LZTR1: variants seen among roughly 807,000 people sequenced by gnomAD.
LZTR1 encodes the protein leucine zipper like post translational regulator 1, also known as leucine-zipper-like transcriptional regulator 1.
A neutral mutation model predicts 105.7 loss-of-function variants in LZTR1; 260 were observed. The ratio of observed to expected loss-of-function variants is 2.46; its 90% CI spans 2.22 to 2.72. The LOEUF (loss-of-function observed/expected upper bound fraction) is 2.72. Ranked by LOEUF, LZTR1 falls within the 30% of genes most tolerant of loss-of-function variation. The probability of loss-of-function intolerance (pLI) is 0.00; values close to 1 mark genes in which losing one functional copy is unlikely to be tolerated. For synonymous variants in LZTR1, 490 were observed against 476.4 expected (o/e 1.03, Z -0.37); for missense variants, 1,214 against 1,166.9 (o/e 1.04, Z -0.59).
intron 2 of LZTR1, among the ~76,000 whole-genome samples, chr22:20,983,787 G>T (rs1924282534): frequency 6.6e-6 from 1 of 152,226 alleles, no homozygotes; most frequent in African/African-American, 2.4e-5. Context: ...CTGGGCAGAA[G>T]AGCCTCCTTG....
chr22:20,994,277 T>C lies in LZTR1; in HGVS notation c.1615+8T>C. ...TCAAATACCCACGGAAAGGTCCGCC[T>C]GGGTGGGGGTGGAGCAGGGTTGGTG... On this transcript the variant is annotated splice_region_variant and intron_variant, in intron 14 of 20. Transcript: ENST00000646124. 1 of 1,596,668 alleles carries C rather than the reference T, an allele frequency of 6.3e-7. No individual in the cohort carries two copies. Among genetic ancestry groups the C allele is most frequent in the Non-Finnish European group, 8.5e-7 (1 of 1,178,666 alleles).
At position 20,995,751 on chromosome 22, in the gene LZTR1, T is replaced by C. The variant is rs1391293142; in HGVS notation, c.1948T>C (p.Ser650Pro). 2 of 1,613,400 alleles carry C rather than the reference T, an allele frequency of 1.2e-6. No homozygotes were observed. Among genetic ancestry groups the C allele is most frequent in the Non-Finnish European group, 1.7e-6 (2 of 1,179,990 alleles). The change falls in exon 17 of 21, where the codon TCT (serine) becomes CCT (proline). Residue 650 changes from serine to proline, a missense_variant. Ser to Pro is a moderately conservative substitution (Grantham distance 74, BLOSUM62 -1). Coordinates refer to ENST00000646124, the MANE Select transcript of LZTR1 (RefSeq NM_006767.4). ...AGGGACCCTCCTACCCCCAGGCACATCTCTGATCCAGGACATGAAGGCATA... is the reference window on the plus strand; with the variant it reads ...AGGGACCCTCCTACCCCCAGGCACACCTCTGATCCAGGACATGAAGGCATA... The part of the protein sequence containing the change: ...PLDQPVDIGT[S>P]LIQDMKAYLE...
At position 20,994,658 on chromosome 22, in the gene LZTR1, C is replaced by A. The variant is rs773794193; in HGVS notation, c.1716C>A (p.Ala572=). 3.7e-6 allele frequency: 6 copies of A among 1,612,860 alleles called. No homozygotes were observed. The highest frequency in any genetic ancestry group is 1.3e-5 in the African/African-American group (1 of 74,928). The change falls in exon 15 of 21, where the codon GCC becomes GCA. Residue 572 remains alanine (A), a synonymous_variant. Transcript: ENST00000646124. ...AGCTGTGCCGCCAGTACATCGAGGC[C>A]TCCGTGGACCTGCAGAACGTGCTGG... ...LEQLCRQYIE[A]SVDLQNVLVV... is the part of the protein sequence containing the mutation.
intron 5 of LZTR1, 102 bp from the exon 6 acceptor site, chr22:20,988,687 C>A: frequency 1.3e-6 from 1 of 795,046 alleles, no homozygotes; most frequent in Non-Finnish European, 2.2e-6. Flanking sequence ...GTGGATGTAG[C>A]CATGCAGCCT....
In LZTR1 at chr22:20,998,269, T is replaced by G. The variant is rs551014226; in HGVS notation, c.*921T>G. ...CTCCACCTGGGGTCACCCAGTCACA[T>G]TGGGAAGGGCTGTGAAGGCCTCCAG... On this transcript the variant is annotated 3_prime_UTR_variant, in exon 21 of 21. Transcript: ENST00000646124. 1 of 152,334 alleles carries G rather than the reference T, an allele frequency of 6.6e-6. No individual in the cohort carries two copies. The highest frequency in any genetic ancestry group is 1.9e-4 in the East Asian group (1 of 5,168). 9.4% of individuals were successfully genotyped at this position (152,334 alleles called of 1,614,324 possible).
At position 20,996,925 on chromosome 22, in the gene LZTR1, A is replaced by G; in HGVS notation, c.2365A>G (p.Lys789Glu). The change falls in exon 20 of 21, where the codon AAG becomes GAG. Residue 789 changes from lysine to glutamate, a missense_variant. Physicochemically the swap from Lys to Glu is moderately conservative, Grantham distance 56. Coordinates refer to ENST00000646124, the MANE Select transcript of LZTR1 (RefSeq NM_006767.4). ...TGACAAAACGCAGGCACTGGACATGAAGCGGCACTGCCTGCACATCATTGT... is the reference window on the plus strand; with the variant it reads ...TGACAAAACGCAGGCACTGGACATGGAGCGGCACTGCCTGCACATCATTGT... Reference protein sequence around the residue: ...AADKTQALDMKRHCLHIIVHQ... With the variant: ...AADKTQALDMERHCLHIIVHQ... 1.2e-6 allele frequency: 2 copies of G among 1,613,512 alleles called. No individual in the cohort carries two copies. The highest frequency in any genetic ancestry group is 1.7e-6 in the Non-Finnish European group (2 of 1,179,826).
intron 7 of LZTR1, 28 bp from the exon 8 acceptor site, chr22:20,990,358 G>A (rs754682254): frequency 4.3e-6 from 7 of 1,613,530 alleles, no homozygotes; most frequent in Admixed American, 3.3e-5. Context: ...CTGTGAGGCC[G>A]GGGCTGAGCT....
intron 3 of LZTR1, 30 bp downstream of exon 3, chr22:20,985,927 C>A (rs746473586): frequency 6.2e-7 from 1 of 1,610,550 alleles, no homozygotes; most frequent in Non-Finnish European, 8.5e-7. Context: ...AGGGCCCTGC[C>A]TTTCCTCCTA....
chr22:20,991,914 G>A (rs1924621842), intron 9 of LZTR1, 85 bp downstream of exon 9: 2 of 1,298,752 alleles, frequency 1.5e-6, no homozygotes, highest in East Asian at 2.5e-5. Flanking sequence ...CACAGCTTTG[G>A]GGCCCCCTGG....
Position 20,995,214 on chromosome 22 carries a change from T to C in LZTR1, c.1942+188T>C, listed in dbSNP as rs1924787245. 4 of 717,928 alleles carry C rather than the reference T, an allele frequency of 5.6e-6. No individual in the cohort carries two copies. In the East Asian group the frequency reaches 1.1e-4, roughly 19 times the overall value. 44.5% of individuals were successfully genotyped at this position (717,928 alleles called of 1,614,324 possible). A position where few individuals can be genotyped will look rare whatever the true frequency, so the allele number is the denominator to read the frequency against. On this transcript the variant is annotated intron_variant, in intron 16 of 20. Transcript: ENST00000646124. ...GCAGAAGCCCCCGACCCATGGGGCT[T>C]GCCACAGTGGGCTGTGTCCTGGTGA...
In LZTR1 at chr22:20,985,175, A is replaced by G. The variant is rs560908640; in HGVS notation, c.264-666A>G. On this transcript the variant is annotated intron_variant, in intron 2 of 20. Coordinates refer to ENST00000646124, the MANE Select transcript of LZTR1 (RefSeq NM_006767.4). The stretch of plus-strand genomic sequence containing the variant: ...TCCCGGGTTCAAGCGATTCTGCCGC[A>G]GCCTCCCGAGTAGCTGGGATTACAG... Among the ~76,000 whole-genome samples, 14 of 148,822 alleles carry G rather than the reference A, an allele frequency of 9.4e-5. No homozygotes were observed. The East Asian group carries it at 2.8e-3, about 30-fold the overall frequency.
At chr22:20,984,103 A>C (rs1924291568) in intron 2 of LZTR1, among the ~76,000 whole-genome samples, 1 of 152,022 alleles carries the variant, frequency 6.6e-6, no homozygotes, top group Admixed American at 6.5e-5. Flanking sequence ...CCCTCCTCTG[A>C]TGTTTCTTGT....
chr22:20,992,303 C>A lies in LZTR1; in HGVS notation c.1083C>A (p.Ser361=), dbSNP rs376591866. The change falls in exon 10 of 21, where the codon TCC becomes TCA. Residue 361 remains serine, a synonymous_variant. Transcript: ENST00000646124. ...AGGAGCGGGTTGGCTTCAAGAAGTCCCGAGATGTGTTTGGCCTGGACTTTG... is the reference window on the plus strand; with the variant it reads ...AGGAGCGGGTTGGCTTCAAGAAGTCACGAGATGTGTTTGGCCTGGACTTTG... ...TYEERVGFKK[S]RDVFGLDFGT... is the part of the protein sequence containing the mutation. 5 of 1,614,000 alleles carry A rather than the reference C, an allele frequency of 3.1e-6. No individual in the cohort carries two copies. Among genetic ancestry groups the A allele is most frequent in the Non-Finnish European group, 4.2e-6 (5 of 1,179,960 alleles).
At chr22:20,997,129 C>G (rs762852156) in intron 20 of LZTR1, 103 bp from the exon 21 acceptor site, 3 of 1,115,368 alleles carry the variant, frequency 2.7e-6, no homozygotes, top group African/African-American at 1.5e-5. Context: ...ATCCTTGGGA[C>G]CAGCCTGAGC....
rs1014219755 is a variant in LZTR1 at position 20,997,709 on chromosome 22, G to A, written c.*361G>A. The stretch of plus-strand genomic sequence containing the variant: ...GGCCTGGCTTCTGTGGCCTGGGCGT[G>A]TTGTGGACTCAGGCACTGGGGCCTG... On this transcript the variant is annotated 3_prime_UTR_variant, in exon 21 of 21. Coordinates refer to ENST00000646124, the MANE Select transcript of LZTR1 (RefSeq NM_006767.4). The A allele has an allele frequency of 1.2e-4, 24 of 204,020 alleles. 1 individual carries two copies. Among genetic ancestry groups the A allele is most frequent in the Non-Finnish European group, 4.1e-5 (4 of 98,740 alleles). 12.6% of individuals were successfully genotyped at this position (204,020 alleles called of 1,614,324 possible).
In LZTR1 at chr22:20,997,360, G is replaced by A. The variant is rs561664122; in HGVS notation, c.*12G>A. On this transcript the variant is annotated 3_prime_UTR_variant, in exon 21 of 21. Transcript: ENST00000646124. ...GCGCCGACATCTGAGGCCCTGTGGC[G>A]CCTGCCCATTGTGAAGAATCGCCGT... 5.2e-5 allele frequency: 82 copies of A among 1,588,188 alleles called. No homozygotes were observed. The Middle Eastern group carries it at 6.7e-4, about 13-fold the overall frequency.
rs1924762800 is a variant in LZTR1 at position 20,994,732 on chromosome 22, GGGGTGGGGTCAGCGCAATCAGGGTT to G, written c.1785+15_1785+39del. ...CTGCAGCTGAGCCAACTCAAGGTGT[GGGGTGGGGTCAGCGCAATCAGGGTT>G]GGGTGGGGTGTGCTCAGGCTTAGGC... is the stretch of plus-strand genomic sequence containing the variant. On this transcript the variant is annotated splice_donor_region_variant and intron_variant, in intron 15 of 20. Transcript: ENST00000646124. 1 of 1,611,074 alleles carries G rather than the reference GGGGTGGGGTCAGCGCAATCAGGGTT, an allele frequency of 6.2e-7. No homozygotes were observed. The highest frequency in any genetic ancestry group is 8.5e-7 in the Non-Finnish European group (1 of 1,179,920).
At chr22:20,990,228 G>C (rs568004582) in intron 7 of LZTR1, among the ~76,000 whole-genome samples, 158 bp from the exon 8 acceptor site, 2 of 152,306 alleles carry the variant, frequency 1.3e-5, no homozygotes, top group African/African-American at 4.8e-5. Flanking sequence ...TGAAGTGGAT[G>C]AGACAGGGCT....
In LZTR1 at chr22:20,988,158, C is replaced by T. The variant is rs775914278; in HGVS notation, c.509+40C>T. On this transcript the variant is annotated intron_variant, in intron 5 of 20. Transcript: ENST00000646124. ...AGAAACATTTGGGACAGGCTGGGTCCTGGGTGGCATTGGACCTGGGATCTG... is the reference window on the plus strand; with the variant it reads ...AGAAACATTTGGGACAGGCTGGGTCTTGGGTGGCATTGGACCTGGGATCTG... 104 of 1,382,542 alleles carry T rather than the reference C, an allele frequency of 7.5e-5. No homozygotes were observed. In the East Asian group the frequency reaches 2.4e-3, roughly 32 times the overall value. 85.6% of individuals were successfully genotyped at this position (1,382,542 alleles called of 1,614,324 possible).
Sources: gnomAD v4.1 joint callset for allele counts (sites outside exome capture counted in the v4.1 genomes callset) on GRCh38, gnomAD v4.1.1 for gene constraint, MANE v1.5 for transcripts, NCBI Gene and HGNC (gene_info 2026-07-23, HGNC 2026-07-21) for gene names.